Variants in CCDC102A observed in about 807,000 individuals in gnomAD.
CCDC102A encodes coiled-coil domain containing 102A.
Under a neutral mutation model 55.5 loss-of-function variants are expected in CCDC102A, and 40 were observed. That is an observed-to-expected ratio of 0.72 (90% CI 0.56 to 0.94). The LOEUF is 0.94. CCDC102A is among the 40% of genes least tolerant of loss of function. The pLI, the probability that CCDC102A is intolerant of heterozygous loss-of-function variation, is 0.00. For synonymous variants in CCDC102A, 323 were observed against 339.0 expected (o/e 0.95, Z 0.52); for missense variants, 779 against 768.6 (o/e 1.01, Z -0.16).
At chr16:57,533,214 G>A (rs928275389) in intron 1 of CCDC102A, among the ~76,000 whole-genome samples, 3 of 152,128 alleles carry the variant, frequency 2.0e-5, no homozygotes, top group Admixed American at 6.5e-5. Flanking sequence ...GCAGGAGCAC[G>A]GAAGTTTTGG....
In CCDC102A at chr16:57,528,639, C is replaced by A. The variant is rs1267590325; in HGVS notation, c.539G>T (p.Arg180Leu). The A allele has an allele frequency of 8.2e-7, 1 of 1,219,254 alleles. No individual in the cohort carries two copies. The highest frequency in any genetic ancestry group is 1.0e-6 in the Non-Finnish European group (1 of 972,240). The allele number at this position is 1,219,254 out of a possible 1,614,324, so 75.5% of individuals were successfully genotyped here. A position where few individuals can be genotyped will look rare whatever the true frequency, so the allele number is the denominator to read the frequency against. The change falls in exon 2 of 9, where the codon CGC becomes CTC. Residue 180 changes from arginine to leucine, a missense_variant. Arg to Leu is a moderately radical substitution (Grantham distance 102, BLOSUM62 -2). Coordinates refer to ENST00000258214, the MANE Select transcript of CCDC102A (RefSeq NM_033212.4). ...TRDGPEPEAE[R>L]EPVRDVGSER... ...GGACCCGACGTCACGCACTGGCTCG[C>A]GCTCCGCTTCCGGCTCGGGGCCGTC...
chr16:57,515,426 G>C lies in CCDC102A; in HGVS notation c.1438C>G (p.Gln480Glu), dbSNP rs142588247. Residue 480 changes from glutamine (Q) to glutamate (E), a missense_variant, in exon 8 of 9, where the codon CAG becomes GAG. Coordinates refer to ENST00000258214, the MANE Select transcript of CCDC102A (RefSeq NM_033212.4). ...AGCGACCGCTGCAGCTTACGTGCCTGGTTGTGGGCCTCGTCCAGCTGTGGG... is the reference window on the plus strand; with the variant it reads ...AGCGACCGCTGCAGCTTACGTGCCTCGTTGTGGGCCTCGTCCAGCTGTGGG... ...AEDELDEAHN[Q>E]ARKLQRSLDE... 2.2e-5 allele frequency: 35 copies of C among 1,606,126 alleles called. No homozygotes were observed. The African/African-American group carries it at 3.9e-4, about 18-fold the overall frequency.
chr16:57,525,651 T>A (rs1324129457), intron 3 of CCDC102A, among the ~76,000 whole-genome samples: 1 of 152,152 alleles, frequency 6.6e-6, no homozygotes, highest in Non-Finnish European at 1.5e-5. Context: ...GGGGCTTCTG[T>A]CTTATTTACG....
chr16:57,534,577 G>A (rs1275389487), intron 1 of CCDC102A, among the ~76,000 whole-genome samples: 16 of 152,138 alleles, frequency 1.1e-4, no homozygotes, highest in Non-Finnish European at 8.8e-5. Flanking sequence ...AGGCACCTCC[G>A]TGTTCTACAG....
Position 57,527,932 on chromosome 16 carries a change from G to C in CCDC102A, c.585+661C>G, listed in dbSNP as rs1015782995. On this transcript the variant is annotated intron_variant, in intron 2 of 8. Coordinates refer to ENST00000258214, the MANE Select transcript of CCDC102A (RefSeq NM_033212.4). ...TTGCACAGGCAGTTTCTATCAGCTG[G>C]AATGCCTTCGGGCACTTTTTTTCTT... Among the ~76,000 whole-genome samples, 6 of 152,252 alleles carry C rather than the reference G, an allele frequency of 3.9e-5. No homozygotes were observed. The South Asian group carries it at 8.3e-4, about 21-fold the overall frequency.
chr16:57,531,542 C>T (rs754664966), intron 1 of CCDC102A, among the ~76,000 whole-genome samples: 6 of 152,170 alleles, frequency 3.9e-5, no homozygotes, highest in Non-Finnish European at 4.4e-5. Flanking sequence ...ACAGCAACAG[C>T]CAGAGTGAGT....
intron 1 of CCDC102A, among the ~76,000 whole-genome samples, chr16:57,530,842 C>T (rs537505749): frequency 1.3e-5 from 2 of 152,066 alleles, no homozygotes; most frequent in African/African-American, 2.4e-5. Context: ...GTCTCCACTC[C>T]GTCTACCTGC....
rs549723468 is a variant in CCDC102A at position 57,522,056 on chromosome 16, G to A, written c.813-880C>T. 3.3e-5 allele frequency among the ~76,000 whole-genome samples: 5 copies of A among 152,348 alleles called. No homozygotes were observed. In the East Asian group the frequency reaches 9.6e-4, roughly 29 times the overall value. On this transcript the variant is annotated intron_variant, in intron 3 of 8. Transcript: ENST00000258214. ...ATGCCCTGGGCGTCCTGCCCATCAG[G>A]ATGCATCCTGCATCCTACTGAATGC...
chr16:57,533,681 G>A (rs1019947653), intron 1 of CCDC102A, among the ~76,000 whole-genome samples: 11 of 147,150 alleles, frequency 7.5e-5, no homozygotes, highest in African/African-American at 2.8e-4. Flanking sequence ...CTCACACACA[G>A]CCCCAGTAAC....
intron 1 of CCDC102A, among the ~76,000 whole-genome samples, chr16:57,532,477 A>AACATCTGTGCACACACAG (rs1194879435): frequency 2.6e-4 from 40 of 152,284 alleles, no homozygotes; most frequent in African/African-American, 9.4e-4. Flanking sequence ...TGCATTCACA[A>AACATCTGTGCACACACAG]ACATCTGTGC....
rs961430144 is a variant in CCDC102A, at chr16:57,516,017, C to T, written c.1419+276G>A. Among the ~76,000 whole-genome samples the T allele has an allele frequency of 4.6e-5, 7 of 152,196 alleles. No homozygotes were observed. Among genetic ancestry groups the T allele is most frequent in the Non-Finnish European group, 1.0e-4 (7 of 68,044 alleles). ...ATCCATCTGCCCGCCCTGCCTCTCT[C>T]TCCCATTCATCCATCCATTCATTCC... On this transcript the variant is annotated intron_variant, in intron 7 of 8. Coordinates refer to ENST00000258214, the MANE Select transcript of CCDC102A (RefSeq NM_033212.4). This position sits in a 1 kb window ranked among gnomAD's most constrained non-coding sequence, Gnocchi z 4.4.
chr16:57,531,539 C>A (rs962559073), intron 1 of CCDC102A, among the ~76,000 whole-genome samples: 1 of 152,334 alleles, frequency 6.6e-6, no homozygotes, highest in Middle Eastern at 3.4e-3. Flanking sequence ...TCAACAGCAA[C>A]AGCCAGAGTG....
intron 3 of CCDC102A, among the ~76,000 whole-genome samples, chr16:57,521,412 C>G (rs1207899274): frequency 6.6e-6 from 1 of 152,196 alleles, no homozygotes; most frequent in Middle Eastern, 3.4e-3. Flanking sequence ...GGGAGGTGGT[C>G]GGGGTTCCAG....
rs1185145596 is a variant in CCDC102A, at chr16:57,528,759, C to G, written c.419G>C (p.Arg140Pro). Reference sequence around the variant, plus strand: ...GCCCTGCGCCTCTTGGCGCTCGCGCCGTGCGCCCGCCAGCTCCTTGGTGAG... The same window carrying G: ...GCCCTGCGCCTCTTGGCGCTCGCGCGGTGCGCCCGCCAGCTCCTTGGTGAG... ...DALTKELAGA[R>P]RERQEAQGEC... Residue 140 changes from arginine (R) to proline (P), a missense_variant, in exon 2 of 9, where the codon CGG becomes CCG. Transcript: ENST00000258214. The G allele has an allele frequency of 9.3e-6, 11 of 1,180,346 alleles. No individual in the cohort carries two copies. Among genetic ancestry groups the G allele is most frequent in the Non-Finnish European group, 9.5e-6 (9 of 947,226 alleles). The allele number at this position is 1,180,346 out of a possible 1,614,324, so 73.1% of individuals were successfully genotyped here. A position where few individuals can be genotyped will look rare whatever the true frequency, so the allele number is the denominator to read the frequency against.
At chr16:57,525,876 C>G (rs2032130522) in intron 3 of CCDC102A, 25 bp downstream of exon 3, 2 of 1,603,906 alleles carry the variant, frequency 1.2e-6, no homozygotes, top group Middle Eastern at 1.7e-4. Flanking sequence ...CCTGGCCCTG[C>G]CCCCTCCCGC....
chr16:57,533,781 C>T (rs1466512843), intron 1 of CCDC102A, among the ~76,000 whole-genome samples: 3 of 152,216 alleles, frequency 2.0e-5, no homozygotes, highest in African/African-American at 7.2e-5. Flanking sequence ...TGGTAACGCA[C>T]ACACTCACTG....
At position 57,528,575 on chromosome 16, in the gene CCDC102A, C is replaced by T; in HGVS notation, c.585+18G>A. 1 of 1,225,212 alleles carries T rather than the reference C, an allele frequency of 8.2e-7. No individual in the cohort carries two copies. The highest frequency in any genetic ancestry group is 1.0e-6 in the Non-Finnish European group (1 of 976,118). 75.9% of individuals were successfully genotyped at this position (1,225,212 alleles called of 1,614,324 possible). A position where few individuals can be genotyped will look rare whatever the true frequency, so the allele number is the denominator to read the frequency against. On this transcript the variant is annotated intron_variant, in intron 2 of 8. Transcript: ENST00000258214. ...CACTTCGAGACTGGAGCGCGAACGC[C>T]CCGCCCGCGCCGCGCACCTGGCTGC...
At chr16:57,534,632 G>A (rs2032337485) in intron 1 of CCDC102A, among the ~76,000 whole-genome samples, 1 of 152,158 alleles carries the variant, frequency 6.6e-6, no homozygotes, top group South Asian at 2.1e-4. Context: ...ATCAGCACAG[G>A]GCCCAGCATA....
chr16:57,526,029 G>A lies in CCDC102A; in HGVS notation c.684C>T (p.Ser228=), dbSNP rs185726595. ...GCCGGCTGCGCTCCTGGCGGCCTGA[G>A]CTGCCCCGCGGGCCCCCAGCCCCCA... ...RSLGAGGPRG[S]SGRQERSRLP... Residue 228 remains serine, a synonymous_variant, in exon 3 of 9, where the codon AGC becomes AGT. Coordinates refer to ENST00000258214, the MANE Select transcript of CCDC102A (RefSeq NM_033212.4). 2.2e-4 allele frequency: 358 copies of A among 1,600,322 alleles called. No individual in the cohort carries two copies. The East Asian group carries it at 7.9e-3, about 35-fold the overall frequency.
Sources: allele counts gnomAD v4.1 joint callset (sites outside exome capture counted in the v4.1 genomes callset), GRCh38; gene constraint gnomAD v4.1.1; non-coding constraint Gnocchi (gnomAD v3.1); transcripts MANE v1.5; gene names NCBI Gene and HGNC (gene_info 2026-07-23, HGNC 2026-07-21).